GRM8: variants seen among roughly 807,000 people sequenced by gnomAD.
The protein encoded by GRM8 is metabotropic glutamate receptor 8.
In GRM8, 47 loss-of-function variants were observed where a neutral mutation model predicts 87.2. The ratio of observed to expected loss-of-function variants is 0.54; its 90% CI spans 0.43 to 0.69. GRM8 has a LOEUF of 0.69. Ranked by LOEUF, GRM8 falls within the 30% of genes least tolerant of loss-of-function variation. GRM8 has a pLI of 0.00. For synonymous variants in GRM8, 396 were observed against 404.5 expected, an observed-to-expected ratio of 0.98 and a Z score of 0.25; for missense variants, 1,019 against 1,139.2, an observed-to-expected ratio of 0.89 and a Z score of 1.52.
intron 7 of GRM8, among the ~76,000 whole-genome samples, chr7:126,760,787 TTCATTTA>T (rs2151574263): frequency 6.6e-6 from 1 of 152,326 alleles, no homozygotes; most frequent in East Asian, 1.9e-4. Context: ...TTGACTTTAT[TTCATTTA>T]CTAGACAAGT....
Position 126,485,731 on chromosome 7 carries a change from C to T in GRM8, c.2431-39359G>A, listed in dbSNP as rs191701077. ...CTTTTCGGCCTGAGAACTAAAACTA[C>T]AGTCCTAAGCTCCTGGACCCTCCCT... is the stretch of plus-strand genomic sequence containing the variant. On this transcript the variant is annotated intron_variant, in intron 9 of 10. Coordinates refer to ENST00000339582, the MANE Select transcript of GRM8 (RefSeq NM_000845.3). Among the ~76,000 whole-genome samples the T allele has an allele frequency of 1.2e-3, 179 of 152,064 alleles. 1 individual carries two copies. Among genetic ancestry groups the T allele is most frequent in the Non-Finnish European group, 9.9e-4 (67 of 67,936 alleles).
At chr7:127,137,597 G>C (rs755936727) in intron 2 of GRM8, among the ~76,000 whole-genome samples, 2 of 152,000 alleles carry the variant, frequency 1.3e-5, no homozygotes, top group Non-Finnish European at 2.9e-5. Context: ...AACTTACGTA[G>C]GTTACTTGGC....
At chr7:127,136,131 T>C (rs1827934065) in intron 2 of GRM8, among the ~76,000 whole-genome samples, 1 of 152,168 alleles carries the variant, frequency 6.6e-6, no homozygotes, top group Admixed American at 6.5e-5. Context: ...AAAAATGGCT[T>C]AGTTATTAAA....
intron 9 of GRM8, among the ~76,000 whole-genome samples, chr7:126,452,058 G>C (rs1480556082): frequency 6.6e-6 from 1 of 151,634 alleles, no homozygotes; most frequent in Non-Finnish European, 1.5e-5. Flanking sequence ...AAACTGTCTG[G>C]ATTAAGAAAA....
intron 6 of GRM8, among the ~76,000 whole-genome samples, chr7:126,838,626 C>A (rs985058263): frequency 3.9e-5 from 6 of 152,188 alleles, no homozygotes; most frequent in Non-Finnish European, 7.4e-5. Flanking sequence ...TGCTAAGAAG[C>A]ACTGTAATGT....
chr7:126,594,715 G>A (rs1797001510), intron 8 of GRM8, among the ~76,000 whole-genome samples: 1 of 152,068 alleles, frequency 6.6e-6, no homozygotes, highest in Non-Finnish European at 1.5e-5. Context: ...CTAAAAGAGT[G>A]GATATAAAGT....
intron 3 of GRM8, among the ~76,000 whole-genome samples, chr7:127,102,729 C>T (rs1385091878): frequency 6.6e-6 from 1 of 152,206 alleles, no homozygotes; most frequent in African/African-American, 2.4e-5. Flanking sequence ...CAGGAAGAAG[C>T]CTGCTGATGG....
chr7:127,238,991 T>C (rs571188641), intron 2 of GRM8, among the ~76,000 whole-genome samples: 1 of 152,124 alleles, frequency 6.6e-6, no homozygotes, highest in Non-Finnish European at 1.5e-5. Flanking sequence ...CATACTAACA[T>C]AGAGATAGCT....
At chr7:126,743,421 C>G (rs1815248095) in intron 7 of GRM8, among the ~76,000 whole-genome samples, 1 of 151,934 alleles carries the variant, frequency 6.6e-6, no homozygotes, top group African/African-American at 2.4e-5. Context: ...CATATCATAC[C>G]CTATGCTGAC....
chr7:126,916,539 G>T (rs1483606694), intron 3 of GRM8, among the ~76,000 whole-genome samples: 6 of 152,186 alleles, frequency 3.9e-5, no homozygotes, highest in Non-Finnish European at 7.3e-5. Context: ...TATATCAACA[G>T]CAGCTATGAG....
chr7:126,907,641 T>C (rs553157892), intron 3 of GRM8, among the ~76,000 whole-genome samples: 18 of 152,214 alleles, frequency 1.2e-4, no homozygotes, highest in Non-Finnish European at 1.9e-4. Context: ...TATGAATAAT[T>C]AAATGCTTAA....
intron 7 of GRM8, among the ~76,000 whole-genome samples, chr7:126,709,595 T>C (rs1810895468): frequency 6.6e-6 from 1 of 152,150 alleles, no homozygotes; most frequent in East Asian, 1.9e-4. Flanking sequence ...AGAACAGCTA[T>C]TACTGAAAAC....
At chr7:126,806,054 G>C (rs1792654482) in intron 6 of GRM8, among the ~76,000 whole-genome samples, 1 of 152,178 alleles carries the variant, frequency 6.6e-6, no homozygotes, top group Non-Finnish European at 1.5e-5. Flanking sequence ...TCCAGAATTG[G>C]TGGGTTCTTG....
At chr7:127,107,961 C>G (rs1448611242) in intron 2 of GRM8, among the ~76,000 whole-genome samples, 1 of 152,188 alleles carries the variant, frequency 6.6e-6, no homozygotes, top group East Asian at 1.9e-4. Context: ...TTCCATGTAA[C>G]TTGGATCCAC....
chr7:126,888,892 T>C (rs1407733549), intron 6 of GRM8, among the ~76,000 whole-genome samples: 1 of 152,106 alleles, frequency 6.6e-6, no homozygotes, highest in Non-Finnish European at 1.5e-5. Flanking sequence ...ATTCTAACCA[T>C]TTGATCACAG....
intron 9 of GRM8, among the ~76,000 whole-genome samples, chr7:126,513,683 A>G (rs546710018): frequency 3.9e-5 from 6 of 152,248 alleles, no homozygotes; most frequent in Non-Finnish European, 8.8e-5. Flanking sequence ...TACTTAGGTA[A>G]GTAGGACTGA....
intron 7 of GRM8, among the ~76,000 whole-genome samples, chr7:126,738,852 G>A (rs1814573822): frequency 6.6e-6 from 1 of 151,262 alleles, no homozygotes; most frequent in African/African-American, 2.4e-5. Flanking sequence ...AAGGAGGAGG[G>A]GGAGGAAGAG....
intron 9 of GRM8, among the ~76,000 whole-genome samples, chr7:126,464,845 T>C (rs1804309637): frequency 6.6e-6 from 1 of 151,776 alleles, no homozygotes; most frequent in Non-Finnish European, 1.5e-5. Flanking sequence ...TATCTTAGTG[T>C]ATTGTCTATG....
chr7:126,650,516 C>T lies in GRM8; in HGVS notation c.1358-41018G>A, dbSNP rs145253811. Among the ~76,000 whole-genome samples the T allele has an allele frequency of 4.3e-4, 66 of 152,212 alleles. 3 individuals are homozygous for T. The South Asian group carries it at 0.012, about 27-fold the overall frequency. ...ACTTCAAGCAGTGCATCTGGATGTG[C>T]ACTTTGCATGGAAGGAGAAATGGCC... is the stretch of plus-strand genomic sequence containing the variant. On this transcript the variant is annotated intron_variant, in intron 7 of 10. Coordinates refer to ENST00000339582, the MANE Select transcript of GRM8 (RefSeq NM_000845.3).
Sources: allele counts gnomAD v4.1 joint callset (sites outside exome capture counted in the v4.1 genomes callset), GRCh38; gene constraint gnomAD v4.1.1; transcripts MANE v1.5; gene names NCBI Gene and HGNC (gene_info 2026-07-23, HGNC 2026-07-21).